The following DCAF8L2 variants were observed in gnomAD, a reference collection of about 807,000 sequenced individuals.
DCAF8L2 encodes the protein DDB1- and CUL4-associated factor 8-like protein 2.
For synonymous variants in DCAF8L2, 200 were observed against 190.9 expected (o/e 1.05, Z -0.39); for missense variants, 430 against 490.7 (o/e 0.88, Z 1.17).
chrX:27,694,028 C>T (rs1930805632), intron 3 of DCAF8L2, among the ~76,000 whole-genome samples: 1 of 111,841 alleles, frequency 8.9e-6, no homozygotes, highest in African/African-American at 3.3e-5. Flanking sequence ...ACTATGTAGC[C>T]ACAAAAAAGA....
Position 27,747,690 on chromosome X carries a change from C to T in DCAF8L2, c.795C>T (p.Asn265=). 1.7e-6 allele frequency: 2 copies of T among 1,210,787 alleles called. No homozygotes were observed. The highest frequency in any genetic ancestry group is 2.2e-5 in the Admixed American group (1 of 45,996). ...GGGTGCGGCAGAGGCCAGTACTGAA[C>T]TTTGAAAGTGGTCACACAAATAATG... ...WDWVRQRPVL[N]FESGHTNNVF... is the part of the protein sequence containing the mutation. Residue 265 remains asparagine (N), a synonymous_variant, in exon 5 of 5, where the codon AAC becomes AAT. Transcript: ENST00000451261.
chrX:27,632,855 A>G (rs1353303613), intron 2 of DCAF8L2: 1 of 111,564 alleles, frequency 9.0e-6, no homozygotes, highest in Non-Finnish European at 1.9e-5. Flanking sequence ...TACTGTATGT[A>G]TTTTTCAGTG....
intron 1 of DCAF8L2, among the ~76,000 whole-genome samples, chrX:27,594,260 C>G: frequency 9.0e-6 from 1 of 111,501 alleles, no homozygotes; most frequent in Non-Finnish European, 1.9e-5. Flanking sequence ...TAAAGGATAA[C>G]AATTGCAGTC....
upstream of DCAF8L2, among the ~76,000 whole-genome samples, chrX:27,586,443 A>C (rs755483523): frequency 8.1e-5 from 9 of 111,347 alleles, no homozygotes; most frequent in East Asian, 2.0e-3. Context: ...CATTACTTTT[A>C]ATGCAAAAAA....
the DCAF8L2 span, among the ~76,000 whole-genome samples, chrX:27,583,344 T>C: frequency 1.8e-5 from 2 of 112,013 alleles, no homozygotes; most frequent in African/African-American, 6.5e-5. Context: ...AGACTCATCT[T>C]GTATTTTTCC....
chrX:27,619,415 G>C (rs147199466), intron 1 of DCAF8L2, among the ~76,000 whole-genome samples: 2,037 of 110,672 alleles, frequency 0.018, 48 homozygotes, highest in African/African-American at 0.062. Flanking sequence ...GAGAGAGAGA[G>C]AGACAGACAG....
At chrX:27,527,545 C>T in the DCAF8L2 span, among the ~76,000 whole-genome samples, 901 of 111,536 alleles carry the variant, frequency 8.1e-3, 50 homozygotes, top group East Asian at 0.2. Context: ...TCCCACTGTC[C>T]GACAAGCCCC....
chrX:27,472,587 C>T, the DCAF8L2 span, among the ~76,000 whole-genome samples: 1 of 111,088 alleles, frequency 9.0e-6, no homozygotes, highest in Admixed American at 9.6e-5. Flanking sequence ...GTTCCCCTCC[C>T]TGTATCCATG....
intron 2 of DCAF8L2, among the ~76,000 whole-genome samples, chrX:27,641,142 A>G (rs1054990216): frequency 9.0e-6 from 1 of 111,626 alleles, no homozygotes; most frequent in African/African-American, 3.3e-5. Context: ...AGGAAACATC[A>G]TTTTATATTT....
intron 1 of DCAF8L2, among the ~76,000 whole-genome samples, chrX:27,621,437 A>G (rs143897876): frequency 0.019 from 2,140 of 111,558 alleles, 49 homozygotes; most frequent in African/African-American, 0.064. Context: ...TAAGCAAGCA[A>G]AATCCTGATA....
intron 2 of DCAF8L2, among the ~76,000 whole-genome samples, chrX:27,659,464 A>G (rs1465144750): frequency 9.0e-6 from 1 of 111,583 alleles, no homozygotes; most frequent in Non-Finnish European, 1.9e-5. Flanking sequence ...ATTACCTCCT[A>G]TCTCCATCCT....
At chrX:27,560,417 C>A in the DCAF8L2 span, among the ~76,000 whole-genome samples, 112 of 111,266 alleles carry the variant, frequency 1.0e-3, 1 homozygote, top group African/African-American at 3.6e-3. Context: ...CATACTAAGC[C>A]AGTCCATGAG....
chrX:27,540,467 G>A, the DCAF8L2 span, among the ~76,000 whole-genome samples: 2 of 111,309 alleles, frequency 1.8e-5, no homozygotes, highest in East Asian at 5.7e-4. Context: ...AATAAGGCAT[G>A]CACAGAACGA....
chrX:27,704,203 C>T (rs1362758345), intron 3 of DCAF8L2, among the ~76,000 whole-genome samples: 2 of 94,762 alleles, frequency 2.1e-5, no homozygotes, highest in African/African-American at 8.9e-5. Context: ...TGTATATACA[C>T]ATGTACACAC....
intron 2 of DCAF8L2, chrX:27,676,953 A>G (rs1930160226): frequency 9.0e-6 from 1 of 111,549 alleles, no homozygotes; most frequent in Admixed American, 9.6e-5. Context: ...TAGGAAAAAG[A>G]AGAGAGAGCC....
At chrX:27,716,516 T>C (rs147060623) in intron 4 of DCAF8L2, among the ~76,000 whole-genome samples, 37 of 112,137 alleles carry the variant, frequency 3.3e-4, no homozygotes, top group African/African-American at 1.1e-3. Flanking sequence ...TTTCTTTATG[T>C]TTACAACTTG....
chrX:27,643,642 C>A (rs1055999831), intron 2 of DCAF8L2, among the ~76,000 whole-genome samples: 4 of 111,617 alleles, frequency 3.6e-5, no homozygotes, highest in Non-Finnish European at 7.5e-5. Flanking sequence ...TAATGTCCAA[C>A]GTTATTTTCC....
chrX:27,545,496 C>T, the DCAF8L2 span, among the ~76,000 whole-genome samples: 1 of 111,716 alleles, frequency 9.0e-6, no homozygotes, highest in African/African-American at 3.3e-5. Flanking sequence ...TATGGTATTG[C>T]TTTGTGTCCC....
At chrX:27,648,600 A>G (rs1202947211) in intron 2 of DCAF8L2, among the ~76,000 whole-genome samples, 1 of 109,569 alleles carries the variant, frequency 9.1e-6, no homozygotes, top group Non-Finnish European at 1.9e-5. Flanking sequence ...TATATCATGA[A>G]CAAAAATATG....
Sources: gnomAD v4.1 joint callset for allele counts (sites outside exome capture counted in the v4.1 genomes callset) on GRCh38, gnomAD v4.1.1 for gene constraint, MANE v1.5 for transcripts, NCBI Gene and HGNC (gene_info 2026-07-23, HGNC 2026-07-21) for gene names.